Variants in CPNE2 observed in about 807,000 individuals in gnomAD.
CPNE2 encodes copine-2.
In CPNE2, 42 loss-of-function variants were observed where a neutral mutation model predicts 69.7. The ratio of observed to expected loss-of-function variants is 0.60; its 90% CI spans 0.47 to 0.78. CPNE2 has a LOEUF of 0.78. CPNE2 is among the 30% of genes least tolerant of loss of function. The probability of loss-of-function intolerance (pLI) is 0.00; values close to 1 mark genes in which losing one functional copy is unlikely to be tolerated. For missense variants in CPNE2, 587 were observed against 732.0 expected (o/e 0.80, Z 2.29); for synonymous variants, 294 against 289.8 (o/e 1.01, Z -0.15).
At chr16:57,124,716 A>T (rs2069788041) in intron 10 of CPNE2, 1 of 243,976 alleles carries the variant, frequency 4.1e-6, no homozygotes, top group South Asian at 4.4e-5. Flanking sequence ...CGCTCTGCCC[A>T]CCTCCCCATG....
At chr16:57,110,224 C>CTT (rs145923720) in intron 1 of CPNE2, among the ~76,000 whole-genome samples, 68 of 119,032 alleles carry the variant, frequency 5.7e-4, no homozygotes, top group African/African-American at 1.9e-3. Context: ...CTTTTCTTTT[C>CTT]TTTTTTTTTT....
intron 4 of CPNE2, 68 bp downstream of exon 4, chr16:57,115,618 C>A: frequency 1.0e-6 from 1 of 983,706 alleles, no homozygotes; most frequent in Non-Finnish European, 1.4e-6. Context: ...CATCAATGGG[C>A]CGCTTCCCTG....
Position 57,137,231 on chromosome 16 carries a change from C to T in CPNE2, c.1251C>T (p.Val417=). 6.2e-7 allele frequency: 1 copy of T among 1,614,250 alleles called. No homozygotes were observed. Among genetic ancestry groups the T allele is most frequent in the Middle Eastern group, 1.6e-4 (1 of 6,062 alleles). The change falls in exon 14 of 16, where the codon GTC becomes GTT. Residue 417 remains valine (V), a synonymous_variant. Coordinates refer to ENST00000290776, the MANE Select transcript of CPNE2 (RefSeq NM_152727.6). ...GTCCTACCAATTTCTCCCCCATCGT[C>T]AACCACGTGGCCCGGTTTGCGGCCC... The part of the protein sequence containing the change: ...FYGPTNFSPI[V]NHVARFAAQA...
rs1262944106 is a variant in CPNE2 at position 57,146,007 on chromosome 16, T to C, written c.1303-78T>C. 4 of 1,251,172 alleles carry C rather than the reference T, an allele frequency of 3.2e-6. No individual in the cohort carries two copies. The highest frequency in any genetic ancestry group is 4.6e-6 in the Non-Finnish European group (4 of 874,968). The allele number at this position is 1,251,172 out of a possible 1,614,324, so 77.5% of individuals were successfully genotyped here. ...CTGCCTTCCTCCAGGACTCGGAGGG[T>C]TTGGGATGAAGGAGGGAGGGAGAAG... On this transcript the variant is annotated intron_variant, in intron 14 of 15. Transcript: ENST00000290776. This position sits in a 1 kb window ranked among gnomAD's most constrained non-coding sequence, Gnocchi z 4.4.
At position 57,115,557 on chromosome 16, in the gene CPNE2, G is replaced by T. The variant is rs776782991; in HGVS notation, c.435+7G>T. 2.0e-5 allele frequency: 32 copies of T among 1,607,176 alleles called. No homozygotes were observed. Among genetic ancestry groups the T allele is most frequent in the Non-Finnish European group, 2.7e-5 (32 of 1,175,888 alleles). On this transcript the variant is annotated splice_region_variant and intron_variant, in intron 4 of 15. Transcript: ENST00000290776. Reference sequence around the variant, plus strand: ...GGGGAAGGGCTTGATTACGGTACCAGTCCCCTCCCGGCTCTCCGCACCCCC... The same window carrying T: ...GGGGAAGGGCTTGATTACGGTACCATTCCCCTCCCGGCTCTCCGCACCCCC...
At chr16:57,113,570 G>A (rs2069696005) in intron 3 of CPNE2, 103 bp downstream of exon 3, 1 of 1,234,652 alleles carries the variant, frequency 8.1e-7, no homozygotes, top group African/African-American at 1.5e-5. Context: ...CTTCCTGGGT[G>A]GGTCCCAAAG....
At position 57,146,922 on chromosome 16, in the gene CPNE2, T is replaced by C. The variant is rs114239342; in HGVS notation, c.1539+601T>C. On this transcript the variant is annotated intron_variant, in intron 15 of 15. Transcript: ENST00000290776. This position sits in a 1 kb window ranked among gnomAD's most constrained non-coding sequence, Gnocchi z 4.4. ...CATGAGGAGTCCCATAGGGGAGCAG[T>C]CTCTCCACTGTACCGCTGTACTGTA... The C allele has an allele frequency of 1.9e-3, 291 of 155,954 alleles. No individual in the cohort carries two copies. The highest frequency in any genetic ancestry group is 6.4e-3 in the African/African-American group (266 of 41,548). The allele number at this position is 155,954 out of a possible 1,614,324, so 9.7% of individuals were successfully genotyped here. A position where few individuals can be genotyped will look rare whatever the true frequency, so the allele number is the denominator to read the frequency against.
At position 57,147,964 on chromosome 16, in the gene CPNE2, T is replaced by TAAC. The variant is rs1381328787; in HGVS notation, c.*307_*309dup. 7.6e-6 allele frequency: 2 copies of TAAC among 263,666 alleles called. No individual in the cohort carries two copies. Among genetic ancestry groups the TAAC allele is most frequent in the Non-Finnish European group, 1.4e-5 (2 of 141,032 alleles). The allele number at this position is 263,666 out of a possible 1,614,324, so 16.3% of individuals were successfully genotyped here. The stretch of plus-strand genomic sequence containing the variant: ...ATTGAGAATAAAATTTTTACAATCA[T>TAAC]AACTGGCTTTTTCCAAGTAACTAGC... On this transcript the variant is annotated 3_prime_UTR_variant, in exon 16 of 16. Coordinates refer to ENST00000290776, the MANE Select transcript of CPNE2 (RefSeq NM_152727.6).
Position 57,125,899 on chromosome 16 carries a change from G to T in CPNE2, c.967G>T (p.Asp323Tyr). 1.2e-6 allele frequency: 2 copies of T among 1,614,118 alleles called. No individual in the cohort carries two copies. The highest frequency in any genetic ancestry group is 8.5e-7 in the Non-Finnish European group (1 of 1,180,020). ...DFTASNGNPL[D>Y]PSSLHYINPM... Reference sequence around the variant, plus strand: ...TACAGCCTCCAACGGGAATCCCCTCGACCCTTCCTCTTTGCACTATATCAA... The same window carrying T: ...TACAGCCTCCAACGGGAATCCCCTCTACCCTTCCTCTTTGCACTATATCAA... The change falls in exon 11 of 16, where the codon GAC becomes TAC. Residue 323 changes from aspartate to tyrosine, a missense_variant. Physicochemically the swap from Asp to Tyr is radical, Grantham distance 160 (BLOSUM62 -3). This residue lies in a region of CPNE2 where 269 missense variants were observed against 300.5 expected (regional missense o/e 0.90). Coordinates refer to ENST00000290776, the MANE Select transcript of CPNE2 (RefSeq NM_152727.6).
intron 15 of CPNE2, 55 bp from the exon 16 acceptor site, chr16:57,147,496 C>A (rs1023396823): frequency 7.6e-7 from 1 of 1,308,078 alleles, no homozygotes; most frequent in Non-Finnish European, 1.0e-6. Flanking sequence ...TCACAACTTC[C>A]GGTCATTAAT....
chr16:57,094,019 G>A (rs751105011), intron 1 of CPNE2: 10 of 456,350 alleles, frequency 2.2e-5, no homozygotes, highest in South Asian at 1.1e-4. Flanking sequence ...CTGATGTTCC[G>A]GGGCCTGCCT....
At position 57,116,661 on chromosome 16, in the gene CPNE2, C is replaced by T. The variant is rs562261776; in HGVS notation, c.436-835C>T. Among the ~76,000 whole-genome samples, 357 of 152,314 alleles carry T rather than the reference C, an allele frequency of 2.3e-3. 1 individual carries two copies. The highest frequency in any genetic ancestry group is 5.0e-3 in the Admixed American group (76 of 15,306). ...CATCACCCCAGCATTTCTGGCAGTTCCACTCTAGGCCTCCATCCCGTCCCC... is the reference window on the plus strand; with the variant it reads ...CATCACCCCAGCATTTCTGGCAGTTTCACTCTAGGCCTCCATCCCGTCCCC... On this transcript the variant is annotated intron_variant, in intron 4 of 15. Coordinates refer to ENST00000290776, the MANE Select transcript of CPNE2 (RefSeq NM_152727.6).
chr16:57,142,927 G>A (rs1171228924), intron 14 of CPNE2: 1 of 152,240 alleles, frequency 6.6e-6, no homozygotes, highest in African/African-American at 2.4e-5. Flanking sequence ...AAGAACCTCG[G>A]AGTAAAGGCA....
chr16:57,119,107 G>T (rs2305698), intron 5 of CPNE2, 88 bp from the exon 6 acceptor site: 1 of 1,174,126 alleles, frequency 8.5e-7, no homozygotes, highest in South Asian at 1.3e-5. Flanking sequence ...CCTGACACCC[G>T]GCTGGGGAGG....
At chr16:57,134,700 C>A in intron 12 of CPNE2, 75 bp from the exon 13 acceptor site, 1 of 1,540,498 alleles carries the variant, frequency 6.5e-7, no homozygotes, top group Non-Finnish European at 9.0e-7. Context: ...GGAGCCTTGG[C>A]CTGGCAGTGG....
intron 2 of CPNE2, among the ~76,000 whole-genome samples, chr16:57,111,157 A>G (rs1210453276): frequency 1.3e-5 from 2 of 150,924 alleles, no homozygotes; most frequent in African/African-American, 4.9e-5. Flanking sequence ...TTATATTTAT[A>G]TGATTTATAG....
chr16:57,118,375 A>G (rs1372986700), intron 5 of CPNE2, among the ~76,000 whole-genome samples: 7 of 144,578 alleles, frequency 4.8e-5, no homozygotes, highest in Admixed American at 1.5e-4. Flanking sequence ...GGGTTTCACT[A>G]TGATAGCCAG....
At position 57,147,541 on chromosome 16, in the gene CPNE2, C is replaced by A; in HGVS notation, c.1540-10C>A. The A allele has an allele frequency of 6.3e-7, 1 of 1,576,468 alleles. No homozygotes were observed. The highest frequency in any genetic ancestry group is 2.3e-5 in the East Asian group (1 of 43,908). On this transcript the variant is annotated splice_polypyrimidine_tract_variant and intron_variant, in intron 15 of 15. Coordinates refer to ENST00000290776, the MANE Select transcript of CPNE2 (RefSeq NM_152727.6). ...CTCTCTTCCCCACCCCACCCTCCTC[C>A]ACCCTGCAGGCAGCAAAAGAGACCT...
In CPNE2 at chr16:57,130,387, A is replaced by G. The variant is rs1041283663; in HGVS notation, c.1116+2484A>G. On this transcript the variant is annotated intron_variant, in intron 12 of 15. Transcript: ENST00000290776. The surrounding 1 kb of genome is among the most constrained non-coding windows in gnomAD (Gnocchi z 4.1). ...AAAAATTAATTAATTAATTAATTAA[A>G]ATAAAAAAAGAGACAGCTGCATGAG... is the stretch of plus-strand genomic sequence containing the variant. 2.0e-5 allele frequency among the ~76,000 whole-genome samples: 3 copies of G among 152,148 alleles called. No individual in the cohort carries two copies. Among genetic ancestry groups the G allele is most frequent in the Admixed American group, 6.5e-5 (1 of 15,284 alleles).
Sources: gnomAD v4.1 joint callset for allele counts (sites outside exome capture counted in the v4.1 genomes callset) on GRCh38, gnomAD v4.1.1 for gene constraint, gnomAD v4.1.1 regional missense constraint, Gnocchi (gnomAD v3.1) non-coding constraint, MANE v1.5 for transcripts, NCBI Gene and HGNC (gene_info 2026-07-23, HGNC 2026-07-21) for gene names.